The following SYN3 variants were observed in gnomAD, a reference collection of about 807,000 sequenced individuals.
SYN3 encodes the protein synapsin III.
A neutral mutation model predicts 65.8 loss-of-function variants in SYN3; 35 were observed. The observed-to-expected ratio is 0.53, with a 90% CI of 0.41 to 0.70. SYN3 has a LOEUF of 0.70. Ranked by LOEUF, SYN3 falls within the 30% of genes least tolerant of loss-of-function variation. The pLI is 0.00. For missense variants in SYN3, 680 were observed against 749.0 expected (o/e 0.91, Z 1.08); for synonymous variants, 270 against 292.9 (o/e 0.92, Z 0.80).
chr22:32,539,226 G>T (rs537821854), intron 8 of SYN3, among the ~76,000 whole-genome samples: 2 of 152,136 alleles, frequency 1.3e-5, no homozygotes, highest in Admixed American at 1.3e-4. Flanking sequence ...GAGCCATAAG[G>T]CACTGCACCG....
In SYN3 at chr22:32,512,509, C is replaced by T. The variant is rs887057108; in HGVS notation, c.*1183G>A. The T allele has an allele frequency of 1.3e-5, 2 of 152,166 alleles. No homozygotes were observed. Among genetic ancestry groups the T allele is most frequent in the Non-Finnish European group, 1.5e-5 (1 of 68,040 alleles). The allele number at this position is 152,166 out of a possible 1,614,324, so 9.4% of individuals were successfully genotyped here. A position where few individuals can be genotyped will look rare whatever the true frequency, so the allele number is the denominator to read the frequency against. Reference sequence around the variant, plus strand: ...GAGCACTGGGAAGGGAGTTAGACTACTTTTTCCAGCTCTGCAACTAACTTA... The same window carrying T: ...GAGCACTGGGAAGGGAGTTAGACTATTTTTTCCAGCTCTGCAACTAACTTA... On this transcript the variant is annotated 3_prime_UTR_variant, in exon 14 of 14. Coordinates refer to ENST00000358763, the MANE Select transcript of SYN3 (RefSeq NM_003490.4).
chr22:32,766,179 G>T (rs865867931), intron 6 of SYN3, among the ~76,000 whole-genome samples: 1 of 152,184 alleles, frequency 6.6e-6, no homozygotes, highest in Non-Finnish European at 1.5e-5. Flanking sequence ...TAGAGCCTTT[G>T]GAAAAGGCAC....
chr22:32,996,951 T>C (rs1161850947), intron 2 of SYN3, among the ~76,000 whole-genome samples: 2 of 152,200 alleles, frequency 1.3e-5, no homozygotes, highest in Non-Finnish European at 2.9e-5. Context: ...TGCCACCCGT[T>C]GCCTCACACT....
intron 6 of SYN3, among the ~76,000 whole-genome samples, chr22:32,727,115 T>C (rs570609480): frequency 3.9e-5 from 6 of 152,156 alleles, no homozygotes; most frequent in Non-Finnish European, 7.3e-5. Context: ...CCATTAGTTA[T>C]TGTTCCTGCA....
chr22:32,903,315 C>A (rs2049812982), intron 4 of SYN3, among the ~76,000 whole-genome samples: 1 of 152,182 alleles, frequency 6.6e-6, no homozygotes. Flanking sequence ...TAAGTGCAAG[C>A]TGTTATGACC....
chr22:32,898,938 T>C lies in SYN3; in HGVS notation c.462-29813A>G, dbSNP rs567440601. Among the ~76,000 whole-genome samples, 304 of 152,178 alleles carry C rather than the reference T, an allele frequency of 2.0e-3. 1 individual carries two copies. The highest frequency in any genetic ancestry group is 3.9e-3 in the Non-Finnish European group (267 of 68,000). On this transcript the variant is annotated intron_variant, in intron 4 of 13. Coordinates refer to ENST00000358763, the MANE Select transcript of SYN3 (RefSeq NM_003490.4). ...CAACATGGTGAAACCCCATCTCTACTAAAAATACAAAAAATTAGCTGGATG... is the reference window on the plus strand; with the variant it reads ...CAACATGGTGAAACCCCATCTCTACCAAAAATACAAAAAATTAGCTGGATG...
intron 6 of SYN3, among the ~76,000 whole-genome samples, chr22:32,678,142 A>T (rs1436581590): frequency 6.6e-6 from 1 of 152,100 alleles, no homozygotes; most frequent in African/African-American, 2.4e-5. Context: ...ATCTGGGGAG[A>T]TTCGTGGCTG....
chr22:32,630,045 G>A lies in SYN3; in HGVS notation c.712-33309C>T, dbSNP rs1403794424. 4.0e-5 allele frequency among the ~76,000 whole-genome samples: 6 copies of A among 150,628 alleles called. No individual in the cohort carries two copies. The East Asian group carries it at 5.8e-4, about 15-fold the overall frequency. Reference sequence around the variant, plus strand: ...TGTTGCCAGGCTAGAGTACGGTGGCGCGATCTCGGCTCACTGCAACCTCGG... The same window carrying A: ...TGTTGCCAGGCTAGAGTACGGTGGCACGATCTCGGCTCACTGCAACCTCGG... On this transcript the variant is annotated intron_variant, in intron 6 of 13. Coordinates refer to ENST00000358763, the MANE Select transcript of SYN3 (RefSeq NM_003490.4).
At chr22:32,720,285 G>T (rs915951375) in intron 6 of SYN3, among the ~76,000 whole-genome samples, 1 of 152,130 alleles carries the variant, frequency 6.6e-6, no homozygotes, top group Non-Finnish European at 1.5e-5. Flanking sequence ...GCTCTGTTGC[G>T]TCTAAGGCCT....
chr22:32,861,376 G>T (rs1045754288), intron 6 of SYN3: 1 of 142,834 alleles, frequency 7.0e-6, no homozygotes, highest in Admixed American at 6.9e-5. Context: ...GGCCTTCTTT[G>T]TGAGGCAGTG....
At chr22:32,548,618 C>T (rs566650542) in intron 7 of SYN3, among the ~76,000 whole-genome samples, 14 of 152,242 alleles carry the variant, frequency 9.2e-5, no homozygotes, top group African/African-American at 2.2e-4. Flanking sequence ...GTGATCCGCC[C>T]GCCTCGGCCT....
chr22:32,967,741 T>C (rs779567016), intron 3 of SYN3, among the ~76,000 whole-genome samples: 18 of 152,258 alleles, frequency 1.2e-4, no homozygotes, highest in Non-Finnish European at 2.5e-4. Context: ...TGATTCCCAC[T>C]GAAATGCAAA....
chr22:32,967,800 G>A (rs2051891564), intron 3 of SYN3, among the ~76,000 whole-genome samples: 1 of 152,246 alleles, frequency 6.6e-6, no homozygotes, highest in South Asian at 2.1e-4. Context: ...TGCTGGCAGG[G>A]CTGGGGTGAG....
chr22:32,662,778 T>C (rs1179211369), intron 6 of SYN3, among the ~76,000 whole-genome samples: 1 of 152,244 alleles, frequency 6.6e-6, no homozygotes, highest in Admixed American at 6.5e-5. Flanking sequence ...ACTGAATTCT[T>C]AGCACTTAAA....
chr22:32,678,178 A>G (rs1481779212), intron 6 of SYN3, among the ~76,000 whole-genome samples: 1 of 152,152 alleles, frequency 6.6e-6, no homozygotes, highest in Non-Finnish European at 1.5e-5. Flanking sequence ...TGGGTGTTGT[A>G]ATGGTCACAG....
intron 7 of SYN3, among the ~76,000 whole-genome samples, chr22:32,568,212 A>G (rs919500986): frequency 2.0e-5 from 3 of 152,118 alleles, no homozygotes; most frequent in Admixed American, 6.6e-5. Context: ...CCTTCCTGGA[A>G]TGCTCTCCTT....
At chr22:33,017,216 A>G (rs2053482257) in intron 1 of SYN3, among the ~76,000 whole-genome samples, 1 of 152,152 alleles carries the variant, frequency 6.6e-6, no homozygotes, top group Non-Finnish European at 1.5e-5. Flanking sequence ...AATTGATTGT[A>G]AGTGTGTGGG....
intron 6 of SYN3, among the ~76,000 whole-genome samples, chr22:32,621,615 T>C (rs1439695058): frequency 6.6e-6 from 1 of 152,188 alleles, no homozygotes; most frequent in African/African-American, 2.4e-5. Context: ...TGCTGGGAAC[T>C]GCTTCTCGGC....
At chr22:33,020,930 A>C (rs562274048) in intron 1 of SYN3, among the ~76,000 whole-genome samples, 190 of 152,316 alleles carry the variant, frequency 1.2e-3, no homozygotes, top group African/African-American at 4.3e-3. Flanking sequence ...AAATGGGTAT[A>C]ATAGTACCTA....
Sources: gnomAD v4.1 joint callset for allele counts (sites outside exome capture counted in the v4.1 genomes callset) on GRCh38, gnomAD v4.1.1 for gene constraint, MANE v1.5 for transcripts, NCBI Gene and HGNC (gene_info 2026-07-23, HGNC 2026-07-21) for gene names.